DRC2: variants seen among roughly 807,000 people sequenced by gnomAD.
DRC2 encodes coiled-coil domain containing 65.
the DRC2 span, among the ~76,000 whole-genome samples, chr12:48,915,507 A>G: frequency 0.042 from 6,395 of 151,176 alleles, 190 homozygotes; most frequent in Non-Finnish European, 0.061. Flanking sequence ...TCCCATGTCT[A>G]CTTCTTTCTA....
chr12:48,908,109 T>C, the DRC2 span, among the ~76,000 whole-genome samples: 1 of 152,122 alleles, frequency 6.6e-6, no homozygotes, highest in African/African-American at 2.4e-5. Flanking sequence ...ATTTTTAAAT[T>C]ATTTTAATTT....
At chr12:48,912,865 C>T in the DRC2 span, among the ~76,000 whole-genome samples, 8 of 151,168 alleles carry the variant, frequency 5.3e-5, no homozygotes, top group Non-Finnish European at 8.9e-5. Flanking sequence ...CTGCCAGGGG[C>T]GGTGGCTCAC....
chr12:48,921,508 C>T, the DRC2 span: 1 of 1,510,464 alleles, frequency 6.6e-7, no homozygotes. Context: ...AATCTTTCAA[C>T]TCCTAGAGAT....
the DRC2 span, among the ~76,000 whole-genome samples, chr12:48,920,441 T>TTTTAAAAAAAAAAAAA: frequency 1.5e-5 from 1 of 67,816 alleles, no homozygotes; most frequent in Non-Finnish European, 2.6e-5. Context: ...AACTCCATCT[T>TTTTAAAAAAAAAAAAA]AAAAAAAAAA....
chr12:48,914,592 A>G, the DRC2 span: 1 of 1,611,380 alleles, frequency 6.2e-7, no homozygotes, highest in African/African-American at 1.3e-5. Context: ...GCCTAAGAGA[A>G]GATGGGGAAT....
the DRC2 span, chr12:48,904,497 C>G: frequency 1.9e-6 from 3 of 1,606,184 alleles, no homozygotes; most frequent in African/African-American, 2.7e-5. Context: ...ATGTCCTGCT[C>G]AACCCCATCC....
At chr12:48,904,501 C>G in the DRC2 span, 6 of 1,602,824 alleles carry the variant, frequency 3.7e-6, no homozygotes, top group Non-Finnish European at 5.1e-6. Context: ...CCTGCTCAAC[C>G]CCATCCACCC....
At chr12:48,907,218 A>C in the DRC2 span, among the ~76,000 whole-genome samples, 11 of 152,294 alleles carry the variant, frequency 7.2e-5, no homozygotes, top group South Asian at 1.2e-3. Context: ...CCGTCTCAAA[A>C]AAAACAAAAC....
At chr12:48,916,065 C>T in the DRC2 span, among the ~76,000 whole-genome samples, 2 of 150,628 alleles carry the variant, frequency 1.3e-5, no homozygotes, top group African/African-American at 4.8e-5. Context: ...AGGCGCTCCT[C>T]ACTTCCCAGA....
chr12:48,918,819 C>G, the DRC2 span: 12 of 1,613,956 alleles, frequency 7.4e-6, no homozygotes, highest in South Asian at 2.2e-5. Flanking sequence ...GAACTCAGGC[C>G]CGGGCAGCAT....
At chr12:48,918,973 G>A in the DRC2 span, 2 of 1,282,692 alleles carry the variant, frequency 1.6e-6, no homozygotes, top group East Asian at 2.4e-5. Context: ...AAAGGGATTT[G>A]GAAAGGATAG....
At chr12:48,921,552 C>G in the DRC2 span, 2 of 1,475,988 alleles carry the variant, frequency 1.4e-6, no homozygotes, top group Non-Finnish European at 1.8e-6. Flanking sequence ...AGGGATGTTG[C>G]TATTAAAAAT....
chr12:48,915,690 G>C, the DRC2 span, among the ~76,000 whole-genome samples: 1 of 151,796 alleles, frequency 6.6e-6, no homozygotes, highest in African/African-American at 2.4e-5. Context: ...AGGGGCGGCC[G>C]GGCAGAGGGG....
the DRC2 span, chr12:48,918,944 C>A: frequency 1.3e-6 from 2 of 1,489,134 alleles, no homozygotes; most frequent in Admixed American, 3.5e-5. Flanking sequence ...AGTCAAGGAA[C>A]CTGCCTCCCT....
the DRC2 span, among the ~76,000 whole-genome samples, chr12:48,907,543 A>C: frequency 1.3e-5 from 2 of 152,172 alleles, no homozygotes; most frequent in Admixed American, 6.6e-5. Flanking sequence ...GAGACTACAC[A>C]TATTAAATGT....
At chr12:48,911,520 T>G in the DRC2 span, among the ~76,000 whole-genome samples, 1 of 151,798 alleles carries the variant, frequency 6.6e-6, no homozygotes, top group African/African-American at 2.4e-5. Context: ...TCATGCCACC[T>G]GACCCCAGCC....
At chr12:48,909,035 CTCT>C in the DRC2 span, among the ~76,000 whole-genome samples, 2 of 125,348 alleles carry the variant, frequency 1.6e-5, no homozygotes, top group African/African-American at 6.0e-5. Flanking sequence ...ACTTTTCTTT[CTCT>C]TTTTTTTTTT....
chr12:48,917,161 C>A, the DRC2 span: 6 of 1,602,766 alleles, frequency 3.7e-6, no homozygotes, highest in Admixed American at 8.4e-5. Flanking sequence ...TAGAAAAATG[C>A]TCAAGGAGGC....
chr12:48,908,343 G>A, the DRC2 span, among the ~76,000 whole-genome samples: 1 of 151,960 alleles, frequency 6.6e-6, no homozygotes. Flanking sequence ...ATGAGCCACT[G>A]GGCTCGGTCC....
Sources: allele counts gnomAD v4.1 joint callset (sites outside exome capture counted in the v4.1 genomes callset), GRCh38; gene constraint gnomAD v4.1.1; transcripts MANE v1.5; gene names NCBI Gene and HGNC (gene_info 2026-07-23, HGNC 2026-07-21).